The following TAC4 variants were observed in gnomAD, a reference collection of about 807,000 sequenced individuals.
The protein encoded by TAC4 is tachykinin-4.
In TAC4, 17 loss-of-function variants were observed where a neutral mutation model predicts 17.7. That is an observed-to-expected ratio of 0.96 (90% CI 0.66 to 1.44). The LOEUF is 1.44. Ranked by LOEUF, TAC4 falls within the 40% of genes most tolerant of loss-of-function variation. The pLI, the probability that TAC4 is intolerant of heterozygous loss-of-function variation, is 0.00. For synonymous variants in TAC4, 62 were observed against 52.4 expected (o/e 1.18, Z -0.79); for missense variants, 118 against 125.6 (o/e 0.94, Z 0.29).
chr17:49,841,637 C>T, intron 2 of TAC4, 53 bp from the exon 3 acceptor site: 1 of 1,490,262 alleles, frequency 6.7e-7, no homozygotes, highest in Non-Finnish European at 8.9e-7. Flanking sequence ...TCCCTGGGGG[C>T]TTGGTGAGGT....
intron 4 of TAC4, 127 bp from the exon 5 acceptor site, chr17:49,838,800 T>G: frequency 1.1e-6 from 1 of 872,362 alleles, no homozygotes; most frequent in Non-Finnish European, 1.8e-6. Flanking sequence ...TTTCTGGAGA[T>G]ATCTAGGGCA....
At chr17:49,847,017 A>G (rs1265182572) in intron 1 of TAC4, 6 of 1,290,020 alleles carry the variant, frequency 4.7e-6, no homozygotes, top group Non-Finnish European at 6.1e-6. Context: ...ACACACTTCC[A>G]GGTTCAGACA....
chr17:49,843,296 C>A (rs2074512311), intron 2 of TAC4, among the ~76,000 whole-genome samples: 1 of 152,216 alleles, frequency 6.6e-6, no homozygotes, highest in African/African-American at 2.4e-5. Flanking sequence ...CCTGGTCCCC[C>A]AAGGACAGGA....
At position 49,847,997 on chromosome 17, in the gene TAC4, C is replaced by T. The variant is rs781708006; in HGVS notation, c.21G>A (p.Leu7=). MLPCLA[L]LLLMELSVCT... is the part of the protein sequence containing the mutation. Reference sequence around the variant, plus strand: ...ACACGGACAGCTCCATCAGGAGAAGCAGGGCGAGGCAAGGCAGCATGGTGA... The same window carrying T: ...ACACGGACAGCTCCATCAGGAGAAGTAGGGCGAGGCAAGGCAGCATGGTGA... Residue 7 remains leucine, a synonymous_variant, in exon 1 of 5, where the codon CTG becomes CTA. Coordinates refer to ENST00000436235, the MANE Select transcript of TAC4 (RefSeq NM_001077506.2). 1 of 1,614,030 alleles carries T rather than the reference C, an allele frequency of 6.2e-7. No homozygotes were observed. Among genetic ancestry groups the T allele is most frequent in the East Asian group, 2.2e-5 (1 of 44,890 alleles).
chr17:49,842,367 A>G (rs2074504906), intron 2 of TAC4, among the ~76,000 whole-genome samples: 2 of 151,890 alleles, frequency 1.3e-5, no homozygotes, highest in African/African-American at 4.8e-5. Flanking sequence ...CATCTCTACT[A>G]AAAATACAAA....
At chr17:49,847,698 C>G (rs868647843) in intron 1 of TAC4, 59 of 418,634 alleles carry the variant, frequency 1.4e-4, no homozygotes, top group East Asian at 6.7e-4. Context: ...CACAGACACA[C>G]ACACACACAC....
intron 1 of TAC4, chr17:49,847,391 G>T (rs983186800): frequency 3.6e-5 from 25 of 697,404 alleles, no homozygotes; most frequent in Non-Finnish European, 4.9e-5. Context: ...CCAAATAGTG[G>T]TCCTGTTTAA....
Position 49,838,489 on chromosome 17 carries a change from A to C in TAC4, c.*153T>G. On this transcript the variant is annotated 3_prime_UTR_variant, in exon 5 of 5. Coordinates refer to ENST00000436235, the MANE Select transcript of TAC4 (RefSeq NM_001077506.2). ...TGCTTGACACTGAGAGTCCAGGAAG[A>C]AGCCCAGTGGGTTCAGTGTGGGCCT... 1.2e-6 allele frequency: 1 copy of C among 869,430 alleles called. No individual in the cohort carries two copies. 53.9% of individuals were successfully genotyped at this position (869,430 alleles called of 1,614,324 possible).
chr17:49,844,238 G>C, intron 1 of TAC4, 81 bp from the exon 2 acceptor site: 1 of 1,340,762 alleles, frequency 7.5e-7, no homozygotes, highest in South Asian at 1.2e-5. Flanking sequence ...GCAATCTCAG[G>C]AGTGACAGCT....
chr17:49,838,905 A>T (rs2074476866), intron 4 of TAC4, among the ~76,000 whole-genome samples: 1 of 152,076 alleles, frequency 6.6e-6, no homozygotes, highest in Non-Finnish European at 1.5e-5. Context: ...CCCTCTTTAA[A>T]GGTGGGGAAG....
Position 49,838,526 on chromosome 17 carries a change from C to T in TAC4, c.*116G>A. 7.8e-7 allele frequency: 1 copy of T among 1,283,748 alleles called. No homozygotes were observed. Among genetic ancestry groups the T allele is most frequent in the Non-Finnish European group, 1.1e-6 (1 of 891,824 alleles). 79.5% of individuals were successfully genotyped at this position (1,283,748 alleles called of 1,614,324 possible). A position where few individuals can be genotyped will look rare whatever the true frequency, so the allele number is the denominator to read the frequency against. ...TTCAGTGTGGGCCTTGTGTGAAGTG[C>T]CAGCGATGAGGACAGGAGACACAGA... On this transcript the variant is annotated 3_prime_UTR_variant, in exon 5 of 5. Coordinates refer to ENST00000436235, the MANE Select transcript of TAC4 (RefSeq NM_001077506.2).
chr17:49,844,365 G>A (rs2074521406), intron 1 of TAC4, among the ~76,000 whole-genome samples: 1 of 152,068 alleles, frequency 6.6e-6, no homozygotes, highest in Non-Finnish European at 1.5e-5. Flanking sequence ...TGAGCACGTT[G>A]ATCTAGTAAC....
chr17:49,847,320 A>C (rs1402465093), intron 1 of TAC4: 6 of 1,208,832 alleles, frequency 5.0e-6, no homozygotes, highest in Middle Eastern at 2.2e-4. Context: ...TTGCCTCCCC[A>C]ATCAGATTGT....
intron 4 of TAC4, 55 bp downstream of exon 4, chr17:49,839,795 A>C: frequency 6.5e-7 from 1 of 1,539,264 alleles, no homozygotes; most frequent in Non-Finnish European, 8.9e-7. Context: ...CTGGCAGCAA[A>C]GTGTCTGGCC....
At chr17:49,844,483 C>T (rs1479440429) in intron 1 of TAC4, among the ~76,000 whole-genome samples, 6 of 151,666 alleles carry the variant, frequency 4.0e-5, no homozygotes, top group Non-Finnish European at 7.4e-5. Context: ...TTCAGCTGGG[C>T]GCAGTGGCTC....
intron 1 of TAC4, chr17:49,847,426 T>C: frequency 2.1e-6 from 1 of 487,414 alleles, no homozygotes; most frequent in Non-Finnish European, 3.3e-6. Flanking sequence ...AAGAAAATTC[T>C]GGAAAAGCTC....
chr17:49,844,815 T>C (rs947070675), intron 1 of TAC4, among the ~76,000 whole-genome samples: 2 of 152,154 alleles, frequency 1.3e-5, no homozygotes, highest in African/African-American at 4.8e-5. Context: ...GAACCAGAAG[T>C]TGAACTCAGG....
At position 49,847,919 on chromosome 17, in the gene TAC4, C is replaced by T. The variant is rs1254043468; in HGVS notation, c.99G>A (p.Glu33=). The change falls in exon 1 of 5, where the codon GAG becomes GAA. Residue 33 remains glutamate (E), a synonymous_variant. Coordinates refer to ENST00000436235, the MANE Select transcript of TAC4 (RefSeq NM_001077506.2). The part of the protein sequence containing the change: ...GEEQTLSTEA[E]TWEGAGPSIQ... ...CCTCCAAGGCCACAATTACCCAGGT[C>T]TCTGCTTCAGTGCTGAGTGTCTGTT... is the stretch of plus-strand genomic sequence containing the variant. The T allele has an allele frequency of 2.5e-6, 4 of 1,614,078 alleles. No individual in the cohort carries two copies. The African/African-American group carries it at 4.0e-5, about 16-fold the overall frequency.
chr17:49,838,877 G>A lies in TAC4; in HGVS notation c.293-204C>T, dbSNP rs564700059. ...TTGCTAATGTCTCCAGAGCATGGAT[G>A]GAGCCCACCCTCAGTTACCCTCTTT... On this transcript the variant is annotated intron_variant, in intron 4 of 4. Coordinates refer to ENST00000436235, the MANE Select transcript of TAC4 (RefSeq NM_001077506.2). 2.6e-5 allele frequency among the ~76,000 whole-genome samples: 4 copies of A among 152,234 alleles called. No homozygotes were observed. The South Asian group carries it at 6.2e-4, about 24-fold the overall frequency.
Sources: allele counts gnomAD v4.1 joint callset (sites outside exome capture counted in the v4.1 genomes callset), GRCh38; gene constraint gnomAD v4.1.1; transcripts MANE v1.5; gene names NCBI Gene and HGNC (gene_info 2026-07-23, HGNC 2026-07-21).